Variants in SEC13 observed in about 807,000 individuals in gnomAD.
SEC13 encodes the protein protein SEC13 homolog.
A neutral mutation model predicts 49.2 loss-of-function variants in SEC13; 25 were observed. The ratio of observed to expected loss-of-function variants is 0.51; its 90% confidence interval spans 0.37 to 0.71. The LOEUF (loss-of-function observed/expected upper bound fraction) is 0.71, where lower values mean the gene tolerates loss of function less well. Ranked by LOEUF, SEC13 falls within the 30% of genes least tolerant of loss-of-function variation. The pLI, the probability that SEC13 is intolerant of heterozygous loss-of-function variation, is 0.00. For synonymous variants in SEC13, 148 were observed against 163.9 expected (o/e 0.90, Z 0.74); for missense variants, 383 against 417.6 (o/e 0.92, Z 0.72).
chr3:10,311,231 C>G (rs185741299), intron 5 of SEC13, among the ~76,000 whole-genome samples: 1 of 152,266 alleles, frequency 6.6e-6, no homozygotes, highest in East Asian at 1.9e-4. Context: ...GGAATGGTAT[C>G]CTGTCCAGGG....
intron 1 of SEC13, among the ~76,000 whole-genome samples, chr3:10,320,240 A>G (rs567699922): frequency 1.7e-4 from 26 of 152,286 alleles, no homozygotes; most frequent in Admixed American, 3.3e-4. Context: ...GAACAAGAAC[A>G]CAGTGTTCTG....
chr3:10,302,128 C>T (rs550600344), intron 8 of SEC13, among the ~76,000 whole-genome samples: 30 of 152,274 alleles, frequency 2.0e-4, no homozygotes, highest in African/African-American at 6.5e-4. Context: ...CTCCCAGCTA[C>T]TGGGGAGGCT....
rs1208108882 is a variant in SEC13, at chr3:10,301,279, G to T, written c.951C>A (p.Gly317=). The change falls in exon 9 of 9, where the codon GGC becomes GGA. Residue 317 remains glycine (G), a synonymous_variant. Transcript: ENST00000350697. ...TGTCTTGTCACTGCTCGTTCTGCTG[G>T]CCCTCTGTCACTGATGCTGATACGG... ...QGSVSASVTE[G]QQNEQ is the part of the protein sequence containing the mutation. 7.4e-6 allele frequency: 12 copies of T among 1,614,110 alleles called. No homozygotes were observed. The highest frequency in any genetic ancestry group is 1.0e-5 in the Non-Finnish European group (12 of 1,180,026).
chr3:10,302,810 TAG>T (rs1177346503), intron 8 of SEC13, among the ~76,000 whole-genome samples: 4 of 152,124 alleles, frequency 2.6e-5, no homozygotes, highest in Non-Finnish European at 4.4e-5. Flanking sequence ...GGAATAAGTG[TAG>T]AAACAGGGTG....
chr3:10,305,479 G>T (rs1700813512), intron 6 of SEC13, 80 bp downstream of exon 6: 9 of 1,522,166 alleles, frequency 5.9e-6, no homozygotes, highest in African/African-American at 1.4e-5. Context: ...CTTGTTTCTT[G>T]TGAGTGTGGC....
chr3:10,321,048 A>G lies in SEC13; in HGVS notation c.3+2T>C. On this transcript the variant is annotated splice_donor_variant, in intron 1 of 8. Coordinates refer to ENST00000350697, the MANE Select transcript of SEC13 (RefSeq NM_183352.3). LOFTEE classifies it high-confidence loss of function. The surrounding 1 kb of genome is among the most constrained non-coding windows in gnomAD (Gnocchi z 4.1). ...CTAGGCCTCCTCAGTACCAACACTC[A>G]CCATGATTGCGGCGGTGGCTGCTCC... The G allele has an allele frequency of 6.2e-7, 1 of 1,613,128 alleles. No individual in the cohort carries two copies. Among genetic ancestry groups the G allele is most frequent in the Non-Finnish European group, 8.5e-7 (1 of 1,179,672 alleles).
rs1043353852 is a variant in SEC13, at chr3:10,318,090, G to A, written c.8C>T (p.Ser3Leu). Residue 3 changes from serine to leucine, a missense_variant, in exon 2 of 9, where the codon TCA becomes TTA. Transcript: ENST00000350697. MV[S>L]VINTVDTSHE... ...GGAGGTATCCACAGTGTTAATTACT[G>A]ACACCTAGAACCAAAGATATCACTG... 11 of 1,599,688 alleles carry A rather than the reference G, an allele frequency of 6.9e-6. No individual in the cohort carries two copies. The highest frequency in any genetic ancestry group is 2.7e-5 in the African/African-American group (2 of 74,554).
Position 10,312,718 on chromosome 3 carries a change from A to G in SEC13, c.177T>C (p.Pro59=), listed in dbSNP as rs748720652. 1.3e-5 allele frequency: 21 copies of G among 1,614,100 alleles called. No individual in the cohort carries two copies. Among genetic ancestry groups the G allele is most frequent in the Middle Eastern group, 1.6e-4 (1 of 6,084 alleles). ...LIADLRGHEG[P]VWQVAWAHPM... ...GGTGAGCCCAGGCCACTTGCCACACAGGACCCTCATGACTACAAAGGGAGA... is the reference window on the plus strand; with the variant it reads ...GGTGAGCCCAGGCCACTTGCCACACGGGACCCTCATGACTACAAAGGGAGA... Residue 59 remains proline (P), a synonymous_variant, in exon 4 of 9, where the codon CCT becomes CCC. Transcript: ENST00000350697.
intron 8 of SEC13, among the ~76,000 whole-genome samples, chr3:10,302,221 G>C (rs995721916): frequency 6.6e-6 from 1 of 152,206 alleles, no homozygotes; most frequent in Admixed American, 6.5e-5. Context: ...CTGGACGACA[G>C]AGCGAGACTC....
chr3:10,320,450 C>A (rs1158263604), intron 1 of SEC13: 11 of 909,666 alleles, frequency 1.2e-5, no homozygotes, highest in Non-Finnish European at 1.4e-5. Flanking sequence ...AAACCCTGAG[C>A]CCCTGCCTTC....
rs372389873 is a variant in SEC13 at position 10,311,951 on chromosome 3, G to A, written c.450+14C>T. On this transcript the variant is annotated intron_variant, in intron 5 of 8. Coordinates refer to ENST00000350697, the MANE Select transcript of SEC13 (RefSeq NM_183352.3). ...AGGCGCTCTCACTGCACGAAAGGCAGGGGATGGACTCACGGTGTGAGCGTT... is the reference window on the plus strand; with the variant it reads ...AGGCGCTCTCACTGCACGAAAGGCAAGGGATGGACTCACGGTGTGAGCGTT... 3 of 1,614,102 alleles carry A rather than the reference G, an allele frequency of 1.9e-6. No homozygotes were observed. Among genetic ancestry groups the A allele is most frequent in the Non-Finnish European group, 1.7e-6 (2 of 1,180,012 alleles).
At chr3:10,319,138 C>T (rs752617621) in intron 1 of SEC13, 19 of 1,608,430 alleles carry the variant, frequency 1.2e-5, no homozygotes, top group Non-Finnish European at 6.8e-6. Context: ...ACATTTCTTA[C>T]CATTTTCCCC....
intron 8 of SEC13, among the ~76,000 whole-genome samples, chr3:10,302,914 T>A (rs190080028): frequency 6.6e-6 from 1 of 152,366 alleles, no homozygotes; most frequent in Non-Finnish European, 1.5e-5. Context: ...CTTAAGGGCA[T>A]ACTGCTAGTG....
Position 10,301,303 on chromosome 3 carries a change from G to A in SEC13, c.927C>T (p.Ser309=), listed in dbSNP as rs139150328. The change falls in exon 9 of 9, where the codon TCC becomes TCT. Residue 309 remains serine, a synonymous_variant. Transcript: ENST00000350697. Reference sequence around the variant, plus strand: ...GGCCCTCTGTCACTGATGCTGATACGGAGCCCTGGCCCTTGTTGACATCAC... The same window carrying A: ...GGCCCTCTGTCACTGATGCTGATACAGAGCCCTGGCCCTTGTTGACATCAC... ...CISDVNKGQG[S]VSASVTEGQQ... The A allele has an allele frequency of 4.1e-3, 6,629 of 1,614,120 alleles. 26 individuals are homozygous for A. The highest frequency in any genetic ancestry group is 5.1e-3 in the Non-Finnish European group (6,051 of 1,180,022).
Position 10,301,588 on chromosome 3 carries a change from T to C in SEC13, c.856-214A>G, listed in dbSNP as rs9814749. ...TAACAATAACAGCAGCTGTGGATGA[T>C]GATGTCAACACAGGATACTGTTTTC... is the stretch of plus-strand genomic sequence containing the variant. On this transcript the variant is annotated intron_variant, in intron 8 of 8. Transcript: ENST00000350697. Among the ~76,000 whole-genome samples the C allele has an allele frequency of 5.0e-3, 757 of 152,234 alleles. 5 individuals are homozygous for C. The highest frequency in any genetic ancestry group is 0.017 in the African/African-American group (699 of 41,540).
intron 1 of SEC13, chr3:10,320,743 G>T: frequency 8.1e-7 from 1 of 1,238,806 alleles, no homozygotes; most frequent in Non-Finnish European, 1.0e-6. Flanking sequence ...CTGAGGGCTC[G>T]GTATACAGTA....
chr3:10,304,261 CCT>C (rs1165352043), intron 7 of SEC13, 89 bp from the exon 8 acceptor site: 1 of 1,383,518 alleles, frequency 7.2e-7, no homozygotes, highest in African/African-American at 1.4e-5. Flanking sequence ...CCACCCGGCA[CCT>C]CTCTGCAGGA....
chr3:10,318,676 C>T (rs1179286321), intron 1 of SEC13, among the ~76,000 whole-genome samples: 1 of 152,164 alleles, frequency 6.6e-6, no homozygotes, highest in Non-Finnish European at 1.5e-5. Context: ...CGAGTGTTTC[C>T]TGAGGCTGCT....
intron 5 of SEC13, among the ~76,000 whole-genome samples, chr3:10,307,739 C>G (rs1476166806): frequency 2.0e-5 from 3 of 152,144 alleles, no homozygotes; most frequent in Admixed American, 1.3e-4. Context: ...TGGGTGGGGA[C>G]ACAGCCAAAC....
Sources: gnomAD v4.1 joint callset for allele counts (sites outside exome capture counted in the v4.1 genomes callset) on GRCh38, gnomAD v4.1.1 for gene constraint, Gnocchi (gnomAD v3.1) non-coding constraint, MANE v1.5 for transcripts, NCBI Gene and HGNC (gene_info 2026-07-23, HGNC 2026-07-21) for gene names.